BTRC: variants seen among roughly 807,000 people sequenced by gnomAD.
BTRC encodes beta-transducin repeat containing E3 ubiquitin protein ligase, also known as F-box/WD repeat-containing protein 1A.
Under a neutral mutation model 85.5 loss-of-function variants are expected in BTRC, and 42 were observed. The ratio of observed to expected loss-of-function variants is 0.49; its 90% CI spans 0.38 to 0.64. BTRC has a LOEUF of 0.64. Ranked by LOEUF, BTRC falls within the 30% of genes least tolerant of loss-of-function variation. BTRC has a pLI of 0.00. For missense variants in BTRC, 594 were observed against 743.5 expected, an observed-to-expected ratio of 0.80 and a Z score of 2.34; for synonymous variants, 255 against 263.3, an observed-to-expected ratio of 0.97 and a Z score of 0.30.
chr10:101,496,855 A>G (rs1001432424), intron 4 of BTRC, among the ~76,000 whole-genome samples: 3 of 152,136 alleles, frequency 2.0e-5, no homozygotes, highest in Non-Finnish European at 4.4e-5. Context: ...TGTCTGATGT[A>G]TGTATTGCAT....
At chr10:101,430,647 A>G (rs1481483226) in intron 2 of BTRC, among the ~76,000 whole-genome samples, 195 bp downstream of exon 2, 1 of 152,134 alleles carries the variant, frequency 6.6e-6, no homozygotes, top group Admixed American at 6.5e-5. Flanking sequence ...TCTTAAGACA[A>G]TGTCATCATG....
intron 1 of BTRC, among the ~76,000 whole-genome samples, chr10:101,388,788 G>C (rs955639911): frequency 3.3e-5 from 5 of 152,186 alleles, no homozygotes; most frequent in Non-Finnish European, 5.9e-5. Flanking sequence ...ACTGCACCCA[G>C]CCCAGCCTGT....
intron 2 of BTRC, among the ~76,000 whole-genome samples, chr10:101,448,648 T>C (rs1000643202): frequency 3.9e-5 from 6 of 152,062 alleles, no homozygotes; most frequent in East Asian, 1.9e-4. Flanking sequence ...AAACATATTT[T>C]CTCTCATTCT....
chr10:101,363,697 C>G (rs1022233537), intron 1 of BTRC, among the ~76,000 whole-genome samples: 1 of 152,086 alleles, frequency 6.6e-6, no homozygotes, highest in Non-Finnish European at 1.5e-5. Flanking sequence ...TTCGTTTTAA[C>G]TGAAGAGCTC....
chr10:101,449,122 G>A (rs1006715225), intron 2 of BTRC, among the ~76,000 whole-genome samples: 4 of 151,962 alleles, frequency 2.6e-5, no homozygotes, highest in Non-Finnish European at 4.4e-5. Flanking sequence ...TTTCAGAAAT[G>A]TAGTTTATTT....
chr10:101,450,460 C>T (rs1944930753), intron 2 of BTRC, among the ~76,000 whole-genome samples: 1 of 152,190 alleles, frequency 6.6e-6, no homozygotes, highest in Admixed American at 6.5e-5. Context: ...TTCATCTCTT[C>T]TATCCTTCTT....
In BTRC at chr10:101,462,054, G is replaced by C. The variant is rs1412975765; in HGVS notation, c.230G>C (p.Arg77Thr). Residue 77 changes from arginine (R) to threonine (T), a missense_variant, in exon 3 of 15, where the codon AGA becomes ACA. Around this residue, in one of 4 missense-constraint regions of BTRC, gnomAD observed 163 missense variants for 180.5 expected, o/e 0.90. Coordinates refer to ENST00000370187, the MANE Select transcript of BTRC (RefSeq NM_033637.4). ...RKIIPEKNSL[R>T]QTYNSCARLC... ...ATAATACCAGAGAAGAATTCACTTA[G>C]ACAGGTATGAAATTCAGCCTTACTT... The C allele has an allele frequency of 1.2e-6, 2 of 1,607,854 alleles. No homozygotes were observed. Among genetic ancestry groups the C allele is most frequent in the Non-Finnish European group, 1.7e-6 (2 of 1,175,402 alleles).
intron 1 of BTRC, among the ~76,000 whole-genome samples, chr10:101,422,405 C>A (rs1243348105): frequency 6.6e-6 from 1 of 152,038 alleles, no homozygotes; most frequent in African/African-American, 2.4e-5. Flanking sequence ...CAAAAATTTT[C>A]TTCCATTCTG....
At chr10:101,504,470 C>T (rs935578477) in intron 4 of BTRC, among the ~76,000 whole-genome samples, 12 of 152,088 alleles carry the variant, frequency 7.9e-5, no homozygotes, top group African/African-American at 2.2e-4. Flanking sequence ...CTCATCATCT[C>T]TCCCCATCCC....
rs186172421 is a variant in BTRC, at chr10:101,468,843, G to A, written c.234+6785G>A. 4.0e-3 allele frequency among the ~76,000 whole-genome samples: 604 copies of A among 152,284 alleles called. 9 individuals are homozygous for A. Among genetic ancestry groups the A allele is most frequent in the African/African-American group, 0.014 (575 of 41,556 alleles). ...AGTCTGGCAATCAATCCCTTTTAGT[G>A]TGTTATATGTTTCACCTGACAACTA... is the stretch of plus-strand genomic sequence containing the variant. On this transcript the variant is annotated intron_variant, in intron 3 of 14. Coordinates refer to ENST00000370187, the MANE Select transcript of BTRC (RefSeq NM_033637.4).
At chr10:101,525,986 T>G (rs757456144) in intron 5 of BTRC, 27 bp from the exon 6 acceptor site, 23 of 1,607,042 alleles carry the variant, frequency 1.4e-5, no homozygotes, top group Non-Finnish European at 2.0e-5. Context: ...TGTGTTCTTT[T>G]TCTTTGCCTC....
intron 4 of BTRC, among the ~76,000 whole-genome samples, chr10:101,498,311 G>A (rs1246634731): frequency 6.6e-6 from 1 of 151,724 alleles, no homozygotes; most frequent in African/African-American, 2.4e-5. Context: ...GTGCCACCAC[G>A]CACAGCTAAT....
intron 1 of BTRC, among the ~76,000 whole-genome samples, chr10:101,366,952 A>T (rs1462800690): frequency 3.6e-5 from 2 of 55,436 alleles, no homozygotes; most frequent in Admixed American, 3.5e-4. Context: ...ATATATTTAT[A>T]TATATATTTA....
At position 101,399,035 on chromosome 10, in the gene BTRC, G is replaced by A. The variant is rs544383071; in HGVS notation, c.49-31310G>A. Among the ~76,000 whole-genome samples the A allele has an allele frequency of 1.7e-3, 256 of 152,136 alleles. 1 individual carries two copies. The highest frequency in any genetic ancestry group is 1.4e-3 in the Non-Finnish European group (98 of 67,992). On this transcript the variant is annotated intron_variant, in intron 1 of 14. Coordinates refer to ENST00000370187, the MANE Select transcript of BTRC (RefSeq NM_033637.4). ...TGGTGCCATCTTGGCTCACTGCAAC[G>A]TCCGCCTCCTGGGCTCAAGCGATTC...
chr10:101,530,616 G>A (rs1156766419), intron 6 of BTRC, among the ~76,000 whole-genome samples: 1 of 152,106 alleles, frequency 6.6e-6, no homozygotes, highest in Non-Finnish European at 1.5e-5. Context: ...AGCAATAGAT[G>A]AATTCTGATT....
chr10:101,436,572 G>A (rs1372658916), intron 2 of BTRC, among the ~76,000 whole-genome samples: 1 of 151,728 alleles, frequency 6.6e-6, no homozygotes, highest in African/African-American at 2.4e-5. Flanking sequence ...CCATGATTGC[G>A]ACACTGCATT....
At chr10:101,393,124 A>G (rs901820138) in intron 1 of BTRC, among the ~76,000 whole-genome samples, 2 of 152,106 alleles carry the variant, frequency 1.3e-5, no homozygotes, top group African/African-American at 2.4e-5. Context: ...TAAAAACTCA[A>G]GAGGACTGGG....
chr10:101,374,841 T>G (rs1431971351), intron 1 of BTRC, among the ~76,000 whole-genome samples: 1 of 152,006 alleles, frequency 6.6e-6, no homozygotes, highest in Non-Finnish European at 1.5e-5. Flanking sequence ...AACTGAAGAT[T>G]GAAGATCTCT....
chr10:101,522,483 C>T lies in BTRC; in HGVS notation c.556+613C>T, dbSNP rs1287292680. On this transcript the variant is annotated intron_variant, in intron 5 of 14. Coordinates refer to ENST00000370187, the MANE Select transcript of BTRC (RefSeq NM_033637.4). ...TCACCCAGGCTGGAGTGCAGTGGCG[C>T]GATCTCGGCTCATTGCAACCTCTGC... Among the ~76,000 whole-genome samples the T allele has an allele frequency of 1.1e-4, 12 of 111,776 alleles. 1 individual carries two copies. Among genetic ancestry groups the T allele is most frequent in the Admixed American group, 4.0e-4 (3 of 7,436 alleles). 73.3% of individuals were successfully genotyped at this position (111,776 alleles called of 152,430 possible).
Sources: gnomAD v4.1 joint callset for allele counts (sites outside exome capture counted in the v4.1 genomes callset) on GRCh38, gnomAD v4.1.1 for gene constraint, gnomAD v4.1.1 regional missense constraint, MANE v1.5 for transcripts, NCBI Gene and HGNC (gene_info 2026-07-23, HGNC 2026-07-21) for gene names.